Variants in CNTNAP2 observed in about 807,000 individuals in gnomAD.
The protein encoded by CNTNAP2 is contactin associated protein 2.
Under a neutral mutation model 155.2 loss-of-function variants are expected in CNTNAP2, and 98 were observed. That is an observed-to-expected ratio of 0.63 (90% CI 0.54 to 0.75). The LOEUF (loss-of-function observed/expected upper bound fraction) is 0.75, where lower values mean the gene tolerates loss of function less well. CNTNAP2 is among the 30% of genes least tolerant of loss of function. The pLI is 0.00. For synonymous variants in CNTNAP2, 651 were observed against 631.2 expected, an observed-to-expected ratio of 1.03 and a Z score of -0.47; for missense variants, 1,727 against 1,688.1, an observed-to-expected ratio of 1.02 and a Z score of -0.40.
chr7:146,868,324 C>T (rs944555309), intron 3 of CNTNAP2, among the ~76,000 whole-genome samples: 2 of 151,966 alleles, frequency 1.3e-5, no homozygotes, highest in African/African-American at 2.4e-5. Flanking sequence ...ATCAGATGGT[C>T]GTAGATGTGT....
At chr7:146,838,377 G>A (rs1248786766) in intron 2 of CNTNAP2, among the ~76,000 whole-genome samples, 2 of 152,042 alleles carry the variant, frequency 1.3e-5, no homozygotes, top group Non-Finnish European at 2.9e-5. Context: ...GAGTGCAATG[G>A]CACCATCTTG....
rs187831570 is a variant in CNTNAP2 at position 147,690,028 on chromosome 7, C to T, written c.2098+50722C>T. ...GTGCCAAGCCTCCCTCCCCAAATTC[C>T]GCCTCCAGTCTCCCTTCCTTCCTTT... On this transcript the variant is annotated intron_variant, in intron 13 of 23. Coordinates refer to ENST00000361727, the MANE Select transcript of CNTNAP2 (RefSeq NM_014141.6). 2.6e-5 allele frequency among the ~76,000 whole-genome samples: 4 copies of T among 151,886 alleles called. No homozygotes were observed. The East Asian group carries it at 5.8e-4, about 22-fold the overall frequency.
intron 1 of CNTNAP2, among the ~76,000 whole-genome samples, chr7:146,318,749 T>A (rs931382131): frequency 2.0e-5 from 3 of 151,614 alleles, no homozygotes. Context: ...GTGGAGGGAG[T>A]GTATAAAATT....
intron 1 of CNTNAP2, among the ~76,000 whole-genome samples, chr7:146,188,552 C>T (rs1177818530): frequency 3.3e-5 from 5 of 152,148 alleles, no homozygotes; most frequent in Admixed American, 6.6e-5. Context: ...ATGGCTTAGA[C>T]AGGTTAATTT....
chr7:148,291,038 A>C (rs1797180160), intron 21 of CNTNAP2, among the ~76,000 whole-genome samples: 1 of 152,184 alleles, frequency 6.6e-6, no homozygotes, highest in Non-Finnish European at 1.5e-5. Context: ...GACCGGCGCA[A>C]GTCAGAATTT....
At chr7:146,432,260 G>A (rs566000497) in intron 1 of CNTNAP2, among the ~76,000 whole-genome samples, 2 of 152,114 alleles carry the variant, frequency 1.3e-5, no homozygotes, top group South Asian at 4.1e-4. Context: ...TAATTAAAGA[G>A]GAATGTTTTT....
At chr7:147,001,833 G>A (rs913824439) in intron 3 of CNTNAP2, among the ~76,000 whole-genome samples, 1 of 151,602 alleles carries the variant, frequency 6.6e-6, no homozygotes, top group African/African-American at 2.4e-5. Context: ...AAATAACTTG[G>A]AATAAATAGA....
chr7:146,484,015 T>A (rs1263471720), intron 1 of CNTNAP2, among the ~76,000 whole-genome samples: 2 of 152,210 alleles, frequency 1.3e-5, no homozygotes, highest in Non-Finnish European at 2.9e-5. Flanking sequence ...GCTCCGTTCA[T>A]AGTAAGTGCA....
intron 21 of CNTNAP2, among the ~76,000 whole-genome samples, chr7:148,375,356 T>TTA (rs915822407): frequency 6.8e-6 from 1 of 147,820 alleles, no homozygotes; most frequent in African/African-American, 2.5e-5. Flanking sequence ...ATATAGTATA[T>TTA]TATATATATA....
At chr7:147,890,100 T>C (rs963118956) in intron 13 of CNTNAP2, among the ~76,000 whole-genome samples, 1 of 152,162 alleles carries the variant, frequency 6.6e-6, no homozygotes, top group African/African-American at 2.4e-5. Flanking sequence ...AAATAATCCC[T>C]GCACTGTGGG....
At chr7:147,598,612 A>G (rs1447251212) in intron 12 of CNTNAP2, among the ~76,000 whole-genome samples, 1 of 152,160 alleles carries the variant, frequency 6.6e-6, no homozygotes, top group Admixed American at 6.6e-5. Flanking sequence ...GATTATGATT[A>G]TCAGTGCATA....
In CNTNAP2 at chr7:148,175,605, G is replaced by C. The variant is rs370967262; in HGVS notation, c.3010+3127G>C. The stretch of plus-strand genomic sequence containing the variant: ...CATCGGAGGAAGGGCTGCCTTGTTG[G>C]GGTCAGGTTGCATGAAAATAAAGAC... On this transcript the variant is annotated intron_variant, in intron 18 of 23. Transcript: ENST00000361727. Among the ~76,000 whole-genome samples the C allele has an allele frequency of 2.0e-5, 3 of 152,090 alleles. No individual in the cohort carries two copies. The East Asian group carries it at 5.8e-4, about 29-fold the overall frequency.
chr7:146,279,726 A>G (rs984642100), intron 1 of CNTNAP2, among the ~76,000 whole-genome samples: 1 of 152,026 alleles, frequency 6.6e-6, no homozygotes, highest in African/African-American at 2.4e-5. Context: ...TAGTCATCAA[A>G]GAAATGCTAA....
chr7:147,547,340 T>C (rs1261594252), intron 11 of CNTNAP2, among the ~76,000 whole-genome samples: 1 of 152,102 alleles, frequency 6.6e-6, no homozygotes, highest in Non-Finnish European at 1.5e-5. Flanking sequence ...CTCCTGGAGA[T>C]CTAGGTCCTT....
chr7:147,923,186 C>T (rs540123893), intron 14 of CNTNAP2, among the ~76,000 whole-genome samples: 1 of 152,244 alleles, frequency 6.6e-6, no homozygotes, highest in South Asian at 2.1e-4. Flanking sequence ...TGTGTCCCCA[C>T]AAAAGATATA....
chr7:146,725,793 G>A (rs749290775), intron 1 of CNTNAP2, among the ~76,000 whole-genome samples: 9 of 152,052 alleles, frequency 5.9e-5, no homozygotes, highest in Non-Finnish European at 1.2e-4. Flanking sequence ...CCCTGGGATT[G>A]CACCCCCAAC....
At chr7:148,006,618 C>CTCCTCCTACTATTTTTAAGGATCCATGTG (rs1801987067) in intron 15 of CNTNAP2, among the ~76,000 whole-genome samples, 1 of 134,028 alleles carries the variant, frequency 7.5e-6, no homozygotes, top group Non-Finnish European at 1.6e-5. Context: ...CGTGCCCGGC[C>CTCCTCCTACTATTTTTAAGGATCCATGTG]ATAATAGTAA....
At chr7:146,156,600 C>G (rs147863006) in intron 1 of CNTNAP2, among the ~76,000 whole-genome samples, 2 of 150,638 alleles carry the variant, frequency 1.3e-5, no homozygotes, top group African/African-American at 4.8e-5. Context: ...AAAGTAATAA[C>G]TGCTTTACAG....
intron 3 of CNTNAP2, among the ~76,000 whole-genome samples, chr7:146,944,767 A>G (rs1436884837): frequency 1.2e-4 from 18 of 151,768 alleles, no homozygotes; most frequent in Non-Finnish European, 5.9e-5. Flanking sequence ...AGTCCCAGCT[A>G]CTCGGGAGGC....
Sources: allele counts gnomAD v4.1 joint callset (sites outside exome capture counted in the v4.1 genomes callset), GRCh38; gene constraint gnomAD v4.1.1; transcripts MANE v1.5; gene names NCBI Gene and HGNC (gene_info 2026-07-23, HGNC 2026-07-21).